The following XKR4 variants were observed in gnomAD, a reference collection of about 807,000 sequenced individuals.
XKR4 encodes XK related 4.
XKR4 carries 12 observed loss-of-function variants against 53.9 expected under a neutral mutation model. The ratio of observed to expected loss-of-function variants is 0.22; its 90% confidence interval spans 0.14 to 0.36. The LOEUF (loss-of-function observed/expected upper bound fraction) is 0.36. Ranked by LOEUF, XKR4 falls within the 10% of genes least tolerant of loss-of-function variation. The pLI is 1.00. For synonymous variants in XKR4, 354 were observed against 362.4 expected (o/e 0.98, Z 0.26); for missense variants, 799 against 859.5 (o/e 0.93, Z 0.88).
At chr8:55,375,174 TGGCTTTTCTGA>T (rs1179699214) in intron 2 of XKR4, among the ~76,000 whole-genome samples, 1 of 152,242 alleles carries the variant, frequency 6.6e-6, no homozygotes, top group Non-Finnish European at 1.5e-5. Flanking sequence ...CACTGAGCCT[TGGCTTTTCTGA>T]TTGGAAAATA....
intron 2 of XKR4, among the ~76,000 whole-genome samples, chr8:55,478,683 C>T (rs1484860680): frequency 1.3e-5 from 2 of 151,908 alleles, no homozygotes; most frequent in East Asian, 1.9e-4. Flanking sequence ...CACATAGGCT[C>T]AAAATAAAAG....
intron 1 of XKR4, among the ~76,000 whole-genome samples, chr8:55,239,378 TTA>T (rs1369866437): frequency 2.0e-5 from 3 of 152,356 alleles, no homozygotes; most frequent in African/African-American, 7.2e-5. Context: ...TGATACTTTT[TTA>T]TATGCAAAAG....
intron 1 of XKR4, among the ~76,000 whole-genome samples, chr8:55,323,974 C>T (rs1803255417): frequency 6.6e-6 from 1 of 151,742 alleles, no homozygotes; most frequent in African/African-American, 2.4e-5. Context: ...CATTCCTCTG[C>T]TAGGAATGTC....
intron 2 of XKR4, among the ~76,000 whole-genome samples, chr8:55,489,785 A>G (rs1224055251): frequency 6.6e-6 from 1 of 152,184 alleles, no homozygotes; most frequent in Non-Finnish European, 1.5e-5. Context: ...TAGGTAAGTC[A>G]TCAACATGAA....
chr8:55,117,075 TAA>T (rs904801394), intron 1 of XKR4, among the ~76,000 whole-genome samples: 7 of 152,184 alleles, frequency 4.6e-5, no homozygotes, highest in African/African-American at 1.4e-4. Flanking sequence ...CCAGGTTAAA[TAA>T]AAAATATATG....
At chr8:55,137,242 G>C (rs538603286) in intron 1 of XKR4, among the ~76,000 whole-genome samples, 1 of 152,076 alleles carries the variant, frequency 6.6e-6, no homozygotes, top group East Asian at 1.9e-4. Context: ...GATGTGAGTA[G>C]AGAGAGGAGG....
intron 1 of XKR4, among the ~76,000 whole-genome samples, chr8:55,168,511 G>A (rs987900085): frequency 5.9e-5 from 9 of 152,184 alleles, no homozygotes; most frequent in Admixed American, 1.3e-4. Context: ...TTTGAGTATC[G>A]GGTAAGTCAC....
chr8:55,431,711 C>T (rs1261186556), intron 2 of XKR4, among the ~76,000 whole-genome samples: 1 of 152,182 alleles, frequency 6.6e-6, no homozygotes, highest in African/African-American at 2.4e-5. Flanking sequence ...CGTTTCAGTT[C>T]CTAGCATAAA....
chr8:55,375,702 A>G (rs1446995651), intron 2 of XKR4, among the ~76,000 whole-genome samples: 4 of 135,370 alleles, frequency 3.0e-5, no homozygotes, highest in Non-Finnish European at 6.1e-5. Flanking sequence ...AATAAGATAC[A>G]TTTTCTTCTT....
At chr8:55,274,535 C>G (rs1290425705) in intron 1 of XKR4, among the ~76,000 whole-genome samples, 1 of 151,880 alleles carries the variant, frequency 6.6e-6, no homozygotes, top group Admixed American at 6.6e-5. Context: ...CGGGTTCAAG[C>G]AATTCTCCTG....
rs541745722 is a variant in XKR4, at chr8:55,476,349, C to A, written c.1007-46932C>A. 9.5e-4 allele frequency among the ~76,000 whole-genome samples: 144 copies of A among 152,156 alleles called. 3 individuals are homozygous for A. The South Asian group carries it at 0.028, about 30-fold the overall frequency. ...GGATAGGAATTCTAGAATGCTCCCCCCAGAGGTCAAAATGCCACTCAGGCA... is the reference window on the plus strand; with the variant it reads ...GGATAGGAATTCTAGAATGCTCCCCACAGAGGTCAAAATGCCACTCAGGCA... On this transcript the variant is annotated intron_variant, in intron 2 of 2. Coordinates refer to ENST00000327381, the MANE Select transcript of XKR4 (RefSeq NM_052898.2).
intron 1 of XKR4, among the ~76,000 whole-genome samples, chr8:55,226,295 G>A (rs573586272): frequency 6.6e-6 from 1 of 152,302 alleles, no homozygotes; most frequent in East Asian, 1.9e-4. Flanking sequence ...AGGTCTATAA[G>A]AATTGTGTGC....
Position 55,523,781 on chromosome 8 carries a change from G to A in XKR4, c.1507G>A (p.Val503Ile), listed in dbSNP as rs750471967. The A allele has an allele frequency of 5.0e-6, 8 of 1,614,156 alleles. No homozygotes were observed. In the Admixed American group the frequency reaches 8.3e-5, roughly 17 times the overall value. The change falls in exon 3 of 3, where the codon GTT becomes ATT. Residue 503 changes from valine (V) to isoleucine (I), a missense_variant. Coordinates refer to ENST00000327381, the MANE Select transcript of XKR4 (RefSeq NM_052898.2). ...GGTGTTCAGCAGCTTTTTAACTGGC[G>A]TTGTTTTTATGCTGATGTATTATGC... ...CVVFSSFLTG[V>I]VFMLMYYAFF...
intron 1 of XKR4, among the ~76,000 whole-genome samples, chr8:55,153,646 A>T (rs764538607): frequency 7.2e-5 from 11 of 152,240 alleles, no homozygotes; most frequent in Non-Finnish European, 1.6e-4. Context: ...CAAAAGTAAC[A>T]TGCTTGGATT....
chr8:55,107,149 G>GT (rs1354640729), intron 1 of XKR4, among the ~76,000 whole-genome samples: 5 of 151,882 alleles, frequency 3.3e-5, no homozygotes, highest in African/African-American at 4.8e-5. Flanking sequence ...ATATACAAAT[G>GT]TTTTTTTCTA....
At chr8:55,289,581 A>AAGG (rs1563316349) in intron 1 of XKR4, among the ~76,000 whole-genome samples, 5 of 88,346 alleles carry the variant, frequency 5.7e-5, no homozygotes, top group African/African-American at 1.6e-4. Context: ...GAGAGAAAGG[A>AAGG]AGAAAGAAAG....
intron 1 of XKR4, among the ~76,000 whole-genome samples, chr8:55,331,787 T>C (rs918355285): frequency 6.6e-6 from 1 of 152,158 alleles, no homozygotes; most frequent in African/African-American, 2.4e-5. Flanking sequence ...TTGGTTACTG[T>C]ATGAATGAAA....
intron 2 of XKR4, among the ~76,000 whole-genome samples, chr8:55,411,012 C>T (rs192514022): frequency 8.5e-4 from 130 of 152,346 alleles, no homozygotes; most frequent in Middle Eastern, 3.4e-3. Context: ...TCTTCTCACA[C>T]GCTCTGACTT....
At chr8:55,174,240 T>A (rs796342461) in intron 1 of XKR4, among the ~76,000 whole-genome samples, 1 of 152,210 alleles carries the variant, frequency 6.6e-6, no homozygotes. Flanking sequence ...TGAAAAAATA[T>A]CTTCTAAATT....
Sources: allele counts gnomAD v4.1 joint callset (sites outside exome capture counted in the v4.1 genomes callset), GRCh38; gene constraint gnomAD v4.1.1; transcripts MANE v1.5; gene names NCBI Gene and HGNC (gene_info 2026-07-23, HGNC 2026-07-21).